Variants in AKAP11 observed in about 807,000 individuals in gnomAD.
AKAP11 encodes A-kinase anchor protein 11.
A neutral mutation model predicts 146.1 loss-of-function variants in AKAP11; 36 were observed. That is an observed-to-expected ratio of 0.25 (90% CI 0.19 to 0.33). The LOEUF (loss-of-function observed/expected upper bound fraction) is 0.33, where lower values mean the gene tolerates loss of function less well. Ranked by LOEUF, AKAP11 falls within the 10% of genes least tolerant of loss-of-function variation. The probability of loss-of-function intolerance (pLI) is 1.00; values close to 1 mark genes in which losing one functional copy is unlikely to be tolerated. For synonymous variants in AKAP11, 780 were observed against 786.5 expected, an observed-to-expected ratio of 0.99 and a Z score of 0.14; for missense variants, 2,201 against 2,197.0, an observed-to-expected ratio of 1.00 and a Z score of -0.04.
At position 42,302,585 on chromosome 13, in the gene AKAP11, G is replaced by T. The variant is rs769850069; in HGVS notation, c.3839G>T (p.Cys1280Phe). Reference sequence around the variant, plus strand: ...GAGAAAATAGCAAAAGTCCGAAATTGTATGCTTTTCAAGCAAAAGAAGAAC... The same window carrying T: ...GAGAAAATAGCAAAAGTCCGAAATTTTATGCTTTTCAAGCAAAAGAAGAAC... ...EAEKIAKVRNCMLFKQKKNSC... is the reference protein window; with the variant it reads ...EAEKIAKVRNFMLFKQKKNSC... The change falls in exon 8 of 13, where the codon TGT (cysteine) becomes TTT (phenylalanine). Residue 1280 changes from cysteine to phenylalanine, a missense_variant. Cys to Phe is a radical substitution (Grantham distance 205, BLOSUM62 -2). Around this residue, in one of 3 missense-constraint regions of AKAP11, gnomAD observed 1,867 missense variants for 1,833.5 expected, o/e 1.02. Transcript: ENST00000025301. The T allele has an allele frequency of 3.7e-6, 6 of 1,614,172 alleles. No individual in the cohort carries two copies. In the South Asian group the frequency reaches 5.5e-5, roughly 15 times the overall value.
At chr13:42,305,683 G>A (rs1253666551) in intron 8 of AKAP11, among the ~76,000 whole-genome samples, 1 of 152,190 alleles carries the variant, frequency 6.6e-6, no homozygotes, top group African/African-American at 2.4e-5. Context: ...GCAGAGTTGA[G>A]TAGTTGGGAC....
At chr13:42,299,043 A>G (rs1355452793) in intron 7 of AKAP11, among the ~76,000 whole-genome samples, 4 of 152,106 alleles carry the variant, frequency 2.6e-5, no homozygotes, top group Non-Finnish European at 5.9e-5. Flanking sequence ...TGGTTACATC[A>G]TTAAGTGTCT....
At chr13:42,304,580 A>G (rs999902352) in intron 8 of AKAP11, among the ~76,000 whole-genome samples, 6 of 152,184 alleles carry the variant, frequency 3.9e-5, no homozygotes, top group Admixed American at 1.3e-4. Flanking sequence ...TTCTTCATTC[A>G]CAAGGGTAAG....
intron 10 of AKAP11, 102 bp downstream of exon 10, chr13:42,313,232 A>T: frequency 1.3e-6 from 1 of 790,902 alleles, no homozygotes; most frequent in East Asian, 2.8e-5. Context: ...GTATGTATCA[A>T]CCTGCTTTTC....
intron 6 of AKAP11, 97 bp from the exon 7 acceptor site, chr13:42,298,436 G>GT (rs1322255628): frequency 4.5e-6 from 6 of 1,328,940 alleles, no homozygotes; most frequent in Admixed American, 2.5e-5. Context: ...TTTCTTGTTT[G>GT]TTTTTTTCTC....
At chr13:42,295,628 A>C in intron 4 of AKAP11, 67 bp from the exon 5 acceptor site, 1 of 1,439,858 alleles carries the variant, frequency 6.9e-7, no homozygotes, top group South Asian at 1.1e-5. Context: ...CCTGTTTGTC[A>C]GCTCTGTCAC....
chr13:42,301,417 A>G lies in AKAP11; in HGVS notation c.2671A>G (p.Met891Val), dbSNP rs966318295. 45 of 1,613,486 alleles carry G rather than the reference A, an allele frequency of 2.8e-5. No individual in the cohort carries two copies. Among genetic ancestry groups the G allele is most frequent in the African/African-American group, 6.7e-5 (5 of 74,906 alleles). Residue 891 changes from methionine to valine, a missense_variant, in exon 8 of 13, where the codon ATG (methionine) becomes GTG (valine). By Grantham distance (21) the Met-to-Val change is conservative. Around this residue, in one of 3 missense-constraint regions of AKAP11, gnomAD observed 1,867 missense variants for 1,833.5 expected, o/e 1.02. Transcript: ENST00000025301. ...GATAGTAAATGAAACTTTAGAGTCA[A>G]TGACATCATTGGAAGTTACAAAAAT... ...HTIVNETLES[M>V]TSLEVTKMVD...
chr13:42,275,771 G>C (rs1169167789), intron 1 of AKAP11, among the ~76,000 whole-genome samples: 1 of 152,198 alleles, frequency 6.6e-6, no homozygotes, highest in Non-Finnish European at 1.5e-5. Flanking sequence ...CTTCTGTGGT[G>C]AGAATTATGA....
intron 4 of AKAP11, among the ~76,000 whole-genome samples, chr13:42,294,078 G>T (rs574407525): frequency 6.6e-6 from 1 of 152,290 alleles, no homozygotes; most frequent in South Asian, 2.1e-4. Context: ...CTTACATGAA[G>T]TAATAGCCAT....
In AKAP11 at chr13:42,302,610, C is replaced by G; in HGVS notation, c.3864C>G (p.Asn1288Lys). ...RNCMLFKQKKNSCYADGDEDY... is the reference protein window; with the variant it reads ...RNCMLFKQKKKSCYADGDEDY... ...GTATGCTTTTCAAGCAAAAGAAGAA[C>G]AGTTGTTATGCTGATGGTGACGAAG... Residue 1288 changes from asparagine (N) to lysine (K), a missense_variant, in exon 8 of 13, where the codon AAC becomes AAG. Asn to Lys is a moderately conservative substitution (Grantham distance 94). Around this residue, in one of 3 missense-constraint regions of AKAP11, gnomAD observed 1,867 missense variants for 1,833.5 expected, o/e 1.02. Coordinates refer to ENST00000025301, the MANE Select transcript of AKAP11 (RefSeq NM_016248.4). 6.2e-7 allele frequency: 1 copy of G among 1,614,066 alleles called. No homozygotes were observed. The highest frequency in any genetic ancestry group is 8.5e-7 in the Non-Finnish European group (1 of 1,180,004).
intron 1 of AKAP11, 77 bp downstream of exon 1, chr13:42,272,305 T>C (rs879090792): frequency 2.6e-5 from 4 of 152,180 alleles, no homozygotes; most frequent in African/African-American, 9.7e-5. Flanking sequence ...CCGGCATGGA[T>C]GGAGCGGCCC....
Position 42,303,614 on chromosome 13 carries a change from T to C in AKAP11, c.4868T>C (p.Phe1623Ser). The C allele has an allele frequency of 1.2e-6, 2 of 1,614,188 alleles. No individual in the cohort carries two copies. Among genetic ancestry groups the C allele is most frequent in the Non-Finnish European group, 8.5e-7 (1 of 1,180,022 alleles). The change falls in exon 8 of 13, where the codon TTT becomes TCT. Residue 1623 changes from phenylalanine to serine, a missense_variant. Coordinates refer to ENST00000025301, the MANE Select transcript of AKAP11 (RefSeq NM_016248.4). ...ASSKPASNPK[F>S]SSRYQKSRIF... Reference sequence around the variant, plus strand: ...AGTAAGCCAGCTTCTAATCCAAAATTTAGCAGCCGCTATCAGAAATCTAGG... The same window carrying C: ...AGTAAGCCAGCTTCTAATCCAAAATCTAGCAGCCGCTATCAGAAATCTAGG...
In AKAP11 at chr13:42,322,417, A is replaced by G. The variant is rs1455830938; in HGVS notation, c.*3189A>G. The G allele has an allele frequency of 6.6e-6, 1 of 152,294 alleles. No individual in the cohort carries two copies. Among genetic ancestry groups the G allele is most frequent in the Non-Finnish European group, 1.5e-5 (1 of 67,984 alleles). 9.4% of individuals were successfully genotyped at this position (152,294 alleles called of 1,614,324 possible). On this transcript the variant is annotated 3_prime_UTR_variant, in exon 13 of 13. Coordinates refer to ENST00000025301, the MANE Select transcript of AKAP11 (RefSeq NM_016248.4). ...ATTCTTCAACAGAGTCCAGATTTAA[A>G]TGTCTACTTAGTTAATTAGTTAGCT...
rs758067152 is a variant in AKAP11 at position 42,303,284 on chromosome 13, C to G, written c.4538C>G (p.Pro1513Arg). 11 of 1,613,038 alleles carry G rather than the reference C, an allele frequency of 6.8e-6. No homozygotes were observed. The highest frequency in any genetic ancestry group is 9.3e-6 in the Non-Finnish European group (11 of 1,180,022). The change falls in exon 8 of 13, where the codon CCT becomes CGT. Residue 1513 changes from proline to arginine, a missense_variant. Around this residue, in one of 3 missense-constraint regions of AKAP11, gnomAD observed 1,867 missense variants for 1,833.5 expected, o/e 1.02. Transcript: ENST00000025301. ...CCAGAATTGCCTAAGTCTCTTCAGCCTTCCTCACAAAATCACAGGTTTTAC... is the reference window on the plus strand; with the variant it reads ...CCAGAATTGCCTAAGTCTCTTCAGCGTTCCTCACAAAATCACAGGTTTTAC... ...VTPELPKSLQ[P>R]SSQNHRFYHS... is the part of the protein sequence containing the mutation.
At chr13:42,276,843 C>T (rs1413591382) in intron 1 of AKAP11, among the ~76,000 whole-genome samples, 1 of 152,130 alleles carries the variant, frequency 6.6e-6, no homozygotes, top group Non-Finnish European at 1.5e-5. Context: ...TCTGTAAGAG[C>T]TACTTAAATG....
intron 1 of AKAP11, among the ~76,000 whole-genome samples, chr13:42,281,523 T>C (rs940451996): frequency 1.3e-5 from 2 of 152,220 alleles, no homozygotes; most frequent in Admixed American, 6.5e-5. Flanking sequence ...TGATGTCAAC[T>C]TGAACATTTC....
chr13:42,302,716 C>G lies in AKAP11; in HGVS notation c.3970C>G (p.Pro1324Ala). Residue 1324 changes from proline to alanine, a missense_variant, in exon 8 of 13, where the codon CCA becomes GCA. By Grantham distance (27) the Pro-to-Ala change is conservative. Transcript: ENST00000025301. ...GGATCCGTTTATTCTTTCATTACCA[C>G]CAAGTTCTTGTATGTCAGGTCTGAT... Reference protein sequence around the residue: ...EVDPFILSLPPSSCMSGLMYK... With the variant: ...EVDPFILSLPASSCMSGLMYK... 1 of 1,614,022 alleles carries G rather than the reference C, an allele frequency of 6.2e-7. No individual in the cohort carries two copies. Among genetic ancestry groups the G allele is most frequent in the Non-Finnish European group, 8.5e-7 (1 of 1,179,990 alleles).
At chr13:42,311,396 T>G (rs1960557647) in intron 9 of AKAP11, among the ~76,000 whole-genome samples, 1 of 152,236 alleles carries the variant, frequency 6.6e-6, no homozygotes, top group East Asian at 1.9e-4. Context: ...ATAGTTTGGC[T>G]TATTTCTGCT....
intron 3 of AKAP11, among the ~76,000 whole-genome samples, chr13:42,289,273 A>G (rs1297002705): frequency 3.9e-5 from 6 of 152,170 alleles, no homozygotes; most frequent in Non-Finnish European, 5.9e-5. Flanking sequence ...GATGAACTAT[A>G]TAATATCTCC....
Sources: allele counts gnomAD v4.1 joint callset (sites outside exome capture counted in the v4.1 genomes callset), GRCh38; gene constraint gnomAD v4.1.1; regional missense constraint gnomAD v4.1.1; transcripts MANE v1.5; gene names NCBI Gene and HGNC (gene_info 2026-07-23, HGNC 2026-07-21).